RBM18: variants seen among roughly 807,000 people sequenced by gnomAD.
The protein encoded by RBM18 is probable RNA-binding protein 18.
A neutral mutation model predicts 26.4 loss-of-function variants in RBM18; 18 were observed. The ratio of observed to expected loss-of-function variants is 0.68; its 90% CI spans 0.47 to 1.01. The LOEUF (loss-of-function observed/expected upper bound fraction) is 1.01, where lower values mean the gene tolerates loss of function less well. Among genes scored for constraint, RBM18 ranks in the 50% least tolerant of loss-of-function variants. The pLI, the probability that RBM18 is intolerant of heterozygous loss-of-function variation, is 0.00. For missense variants in RBM18, 180 were observed against 219.2 expected, an observed-to-expected ratio of 0.82 and a Z score of 1.13; for synonymous variants, 74 against 81.1, an observed-to-expected ratio of 0.91 and a Z score of 0.47.
At chr9:122,251,499 C>T (rs1177307120) in intron 3 of RBM18, among the ~76,000 whole-genome samples, 3 of 152,106 alleles carry the variant, frequency 2.0e-5, no homozygotes, top group African/African-American at 7.2e-5. Context: ...CAGGACAAAA[C>T]TACTGAAAGA....
intron 3 of RBM18, among the ~76,000 whole-genome samples, chr9:122,251,276 C>T (rs76213380): frequency 6.6e-6 from 1 of 152,122 alleles, no homozygotes; most frequent in Admixed American, 6.5e-5. Context: ...GGCATCTCTA[C>T]ATTTAGTAAC....
At chr9:122,264,415 C>T (rs936086248) in intron 1 of RBM18, among the ~76,000 whole-genome samples, 14 of 152,308 alleles carry the variant, frequency 9.2e-5, no homozygotes, top group Admixed American at 6.5e-4. Context: ...TTTGTCTTTC[C>T]AGCTGAGCTG....
chr9:122,250,944 G>A (rs1162244130), intron 3 of RBM18, among the ~76,000 whole-genome samples: 1 of 151,092 alleles, frequency 6.6e-6, no homozygotes, highest in Non-Finnish European at 1.5e-5. Flanking sequence ...TTATGAGATG[G>A]AGTCTTGCTT....
intron 2 of RBM18, among the ~76,000 whole-genome samples, chr9:122,255,916 C>T (rs1402335035): frequency 6.6e-6 from 1 of 151,628 alleles, no homozygotes; most frequent in African/African-American, 2.4e-5. Flanking sequence ...GGAGGATTGC[C>T]TGAGCTTGGG....
At position 122,241,986 on chromosome 9, in the gene RBM18, A is replaced by G. The variant is rs768623493; in HGVS notation, c.471T>C (p.Pro157=). 1 of 1,614,110 alleles carries G rather than the reference A, an allele frequency of 6.2e-7. No individual in the cohort carries two copies. The highest frequency in any genetic ancestry group is 8.5e-7 in the Non-Finnish European group (1 of 1,180,002). ...EAKLKMMAEN[P]DAEYPAAPVY... is the part of the protein sequence containing the mutation. ...CAGGCGCTGCTGGATACTCTGCATC[A>G]GGATTTTCCGCCATCATTTTCAGTT... Residue 157 remains proline (P), a synonymous_variant, in exon 6 of 6, where the codon CCT becomes CCC. Coordinates refer to ENST00000417201, the MANE Select transcript of RBM18 (RefSeq NM_033117.4).
At chr9:122,257,434 C>T (rs1044345615) in intron 2 of RBM18, among the ~76,000 whole-genome samples, 58 of 152,320 alleles carry the variant, frequency 3.8e-4, no homozygotes, top group African/African-American at 1.4e-3. Flanking sequence ...GCGTTGAACC[C>T]CACCGCGCCC....
At chr9:122,255,941 G>A (rs1473268020) in intron 2 of RBM18, among the ~76,000 whole-genome samples, 1 of 152,094 alleles carries the variant, frequency 6.6e-6, no homozygotes, top group African/African-American at 2.4e-5. Flanking sequence ...TGAGGTGGGA[G>A]GATTGCTTGA....
Position 122,238,702 on chromosome 9 carries a change from GT to G in RBM18, c.*3181del, listed in dbSNP as rs1831366584. The G allele has an allele frequency of 6.6e-6, 1 of 152,224 alleles. No individual in the cohort carries two copies. Among genetic ancestry groups the G allele is most frequent in the Non-Finnish European group, 1.5e-5 (1 of 68,054 alleles). 9.4% of individuals were successfully genotyped at this position (152,224 alleles called of 1,614,324 possible). On this transcript the variant is annotated 3_prime_UTR_variant, in exon 6 of 6. Coordinates refer to ENST00000417201, the MANE Select transcript of RBM18 (RefSeq NM_033117.4). ...CAGATCTTTCAATTTTTTCTAGGCT[GT>G]GATGGAAAGCCACAAAGAAGAGAAT...
chr9:122,252,609 G>A (rs1489271305), intron 2 of RBM18, among the ~76,000 whole-genome samples: 1 of 152,230 alleles, frequency 6.6e-6, no homozygotes, highest in Non-Finnish European at 1.5e-5. Flanking sequence ...TGAGGACAAT[G>A]TGGAACAACT....
At position 122,241,679 on chromosome 9, in the gene RBM18, C is replaced by T. The variant is rs983130107; in HGVS notation, c.*205G>A. On this transcript the variant is annotated 3_prime_UTR_variant, in exon 6 of 6. Coordinates refer to ENST00000417201, the MANE Select transcript of RBM18 (RefSeq NM_033117.4). ...GTTCAAATCACAATTTGGGATACAACGCTATTTATTCTGGATGATGCTCAA... is the reference window on the plus strand; with the variant it reads ...GTTCAAATCACAATTTGGGATACAATGCTATTTATTCTGGATGATGCTCAA... The T allele has an allele frequency of 1.9e-5, 9 of 465,106 alleles. No homozygotes were observed. The highest frequency in any genetic ancestry group is 1.4e-4 in the South Asian group (3 of 21,688). 28.8% of individuals were successfully genotyped at this position (465,106 alleles called of 1,614,324 possible).
rs893830122 is a variant in RBM18, at chr9:122,239,527, A to G, written c.*2357T>C. ...CTCTTGTATATAAATCAAAATTATA[A>G]GTGACATAATTTTAGCAAACCAAAA... On this transcript the variant is annotated 3_prime_UTR_variant, in exon 6 of 6. Coordinates refer to ENST00000417201, the MANE Select transcript of RBM18 (RefSeq NM_033117.4). The G allele has an allele frequency of 3.3e-5, 5 of 152,378 alleles. No homozygotes were observed. The highest frequency in any genetic ancestry group is 3.4e-3 in the Middle Eastern group (1 of 294). The allele number at this position is 152,378 out of a possible 1,614,324, so 9.4% of individuals were successfully genotyped here. A position where few individuals can be genotyped will look rare whatever the true frequency, so the allele number is the denominator to read the frequency against.
chr9:122,251,677 A>G (rs913106362), intron 3 of RBM18, among the ~76,000 whole-genome samples, 170 bp downstream of exon 3: 1 of 152,250 alleles, frequency 6.6e-6, no homozygotes, highest in African/African-American at 2.4e-5. Flanking sequence ...GAAAGCCACT[A>G]ATTCATTTGT....
chr9:122,249,960 A>G (rs1831571515), intron 3 of RBM18, among the ~76,000 whole-genome samples: 1 of 150,498 alleles, frequency 6.6e-6, no homozygotes. Context: ...AGTCCCAGCT[A>G]CTGCAGAGGC....
chr9:122,255,414 C>T (rs1831676114), intron 2 of RBM18, among the ~76,000 whole-genome samples: 4 of 152,178 alleles, frequency 2.6e-5, no homozygotes, highest in Non-Finnish European at 5.9e-5. Context: ...TGCATTCCAG[C>T]TTACCTAGTT....
intron 5 of RBM18, among the ~76,000 whole-genome samples, chr9:122,244,144 A>T (rs1000046070): frequency 3.3e-4 from 8 of 24,148 alleles, no homozygotes; most frequent in Non-Finnish European, 7.3e-5. Context: ...GCACGAAATA[A>T]AAAAAAAAAA....
chr9:122,254,757 TCCTGC>T (rs1339244041), intron 2 of RBM18, among the ~76,000 whole-genome samples: 12 of 152,240 alleles, frequency 7.9e-5, no homozygotes, highest in African/African-American at 2.4e-4. Flanking sequence ...AAAACTAGGT[TCCTGC>T]CTTCAAGAAC....
intron 1 of RBM18, among the ~76,000 whole-genome samples, chr9:122,263,356 C>G (rs1831864584): frequency 1.3e-5 from 2 of 152,366 alleles, no homozygotes; most frequent in Non-Finnish European, 2.9e-5. Flanking sequence ...AGCTCTTGTT[C>G]TTACCTCCTG....
intron 2 of RBM18, among the ~76,000 whole-genome samples, chr9:122,260,003 C>A (rs185743349): frequency 1.3e-3 from 198 of 152,192 alleles, no homozygotes; most frequent in Non-Finnish European, 2.2e-3. Flanking sequence ...CTCCCCTTGT[C>A]TTTAACACTA....
intron 2 of RBM18, among the ~76,000 whole-genome samples, chr9:122,256,957 T>C (rs1483854667): frequency 6.6e-6 from 1 of 152,208 alleles, no homozygotes; most frequent in Non-Finnish European, 1.5e-5. Context: ...AGAACATAAG[T>C]TTGGAATCTG....
Sources: gnomAD v4.1 joint callset for allele counts (sites outside exome capture counted in the v4.1 genomes callset) on GRCh38, gnomAD v4.1.1 for gene constraint, MANE v1.5 for transcripts, NCBI Gene and HGNC (gene_info 2026-07-23, HGNC 2026-07-21) for gene names.